Variants in ELAVL1 observed in about 807,000 individuals in gnomAD.
ELAVL1 encodes ELAV-like protein 1.
In ELAVL1, 1 loss-of-function variant was observed where a neutral mutation model predicts 28.4. The ratio of observed to expected loss-of-function variants is 0.04; its 90% CI spans 0.01 to 0.17. The LOEUF (loss-of-function observed/expected upper bound fraction) is 0.17, where lower values mean the gene tolerates loss of function less well. Among genes scored for constraint, ELAVL1 ranks in the 10% least tolerant of loss-of-function variants. The pLI is 1.00. For missense variants in ELAVL1, 157 were observed against 447.2 expected (o/e 0.35, Z 5.85); for synonymous variants, 174 against 183.5 (o/e 0.95, Z 0.42).
intron 1 of ELAVL1, among the ~76,000 whole-genome samples, chr19:8,003,814 C>G (rs1188829453): frequency 6.6e-6 from 1 of 152,040 alleles, no homozygotes; most frequent in East Asian, 1.9e-4. Flanking sequence ...ACATTTGAGA[C>G]GTTCGTGTAT....
chr19:8,003,997 C>T (rs1568319207), intron 1 of ELAVL1, among the ~76,000 whole-genome samples: 1 of 152,176 alleles, frequency 6.6e-6, no homozygotes, highest in Non-Finnish European at 1.5e-5. Flanking sequence ...GGCCCGAGTT[C>T]AAACCCTGGC....
intron 1 of ELAVL1, 59 bp downstream of exon 1, chr19:8,005,436 G>C (rs1421864681): frequency 1.4e-5 from 2 of 146,618 alleles, no homozygotes; most frequent in Non-Finnish European, 3.0e-5. Flanking sequence ...GGCCAGGCGA[G>C]CTCAGGCCTG....
chr19:7,987,114 G>A (rs1430366528), intron 2 of ELAVL1, among the ~76,000 whole-genome samples: 1 of 133,062 alleles, frequency 7.5e-6, no homozygotes, highest in East Asian at 2.3e-4. Flanking sequence ...ACCGGGGGGT[G>A]CCGGGGGGGG....
chr19:7,999,543 G>T (rs752647495), intron 1 of ELAVL1, among the ~76,000 whole-genome samples: 3 of 152,128 alleles, frequency 2.0e-5, no homozygotes, highest in Non-Finnish European at 4.4e-5. Flanking sequence ...GAGGGCCCAG[G>T]TTATACCATT....
chr19:7,989,954 T>C (rs1985707094), intron 2 of ELAVL1, among the ~76,000 whole-genome samples: 1 of 152,176 alleles, frequency 6.6e-6, no homozygotes, highest in African/African-American at 2.4e-5. Flanking sequence ...AGTGCAATGA[T>C]GGGTACATCA....
intron 2 of ELAVL1, among the ~76,000 whole-genome samples, chr19:7,989,064 T>G (rs1295700695): frequency 2.6e-5 from 4 of 152,156 alleles, no homozygotes; most frequent in Non-Finnish European, 5.9e-5. Context: ...ACCCGTGTTG[T>G]GAGCTGAGCT....
intron 4 of ELAVL1, chr19:7,972,751 T>C (rs938392944): frequency 1.4e-5 from 2 of 146,908 alleles, no homozygotes; most frequent in Non-Finnish European, 3.0e-5. Flanking sequence ...CTCAGTCTCC[T>C]GAGCAGCTGT....
chr19:7,978,627 T>A (rs969809584), intron 3 of ELAVL1, among the ~76,000 whole-genome samples: 4 of 152,104 alleles, frequency 2.6e-5, no homozygotes, highest in Non-Finnish European at 4.4e-5. Context: ...TTGCAACCTT[T>A]ATAAACAAAC....
chr19:7,967,436 G>C (rs74176261), intron 5 of ELAVL1, 129 bp downstream of exon 5: 1 of 1,041,340 alleles, frequency 9.6e-7, no homozygotes, highest in Non-Finnish European at 1.4e-6. Flanking sequence ...TGGAGCTGCA[G>C]AATGATTCTG....
intron 3 of ELAVL1, among the ~76,000 whole-genome samples, chr19:7,976,638 T>G (rs1470796505): frequency 6.6e-6 from 1 of 152,064 alleles, no homozygotes; most frequent in African/African-American, 2.4e-5. Flanking sequence ...GCTGACACCT[T>G]GGTCTCGGGC....
chr19:7,999,933 C>T (rs550022959), intron 1 of ELAVL1, among the ~76,000 whole-genome samples: 8 of 152,308 alleles, frequency 5.3e-5, no homozygotes, highest in East Asian at 3.9e-4. Context: ...CCTGCCACCA[C>T]GCCCGGCTAA....
chr19:7,996,854 A>C (rs182663055), intron 1 of ELAVL1, among the ~76,000 whole-genome samples: 257 of 152,292 alleles, frequency 1.7e-3, no homozygotes, highest in African/African-American at 6.0e-3. Flanking sequence ...ACCTGGTTTC[A>C]AAAATGGCAA....
rs1378907970 is a variant in ELAVL1, at chr19:7,959,110, T to C, written c.*4373A>G. 6.6e-6 allele frequency: 1 copy of C among 152,432 alleles called. No individual in the cohort carries two copies. The highest frequency in any genetic ancestry group is 1.5e-5 in the Non-Finnish European group (1 of 67,886). 9.4% of individuals were successfully genotyped at this position (152,432 alleles called of 1,614,324 possible). A position where few individuals can be genotyped will look rare whatever the true frequency, so the allele number is the denominator to read the frequency against. The stretch of plus-strand genomic sequence containing the variant: ...CTGATGGAAAACTGATAAGGGCTTT[T>C]CTTTTTTTTTTTCTGAAAATAATTT... On this transcript the variant is annotated 3_prime_UTR_variant, in exon 6 of 6. Transcript: ENST00000407627.
In ELAVL1 at chr19:7,981,459, G is replaced by C. The variant is rs1985462127; in HGVS notation, c.173-273C>G. Among the ~76,000 whole-genome samples the C allele has an allele frequency of 1.3e-5, 2 of 151,072 alleles. No homozygotes were observed. Among genetic ancestry groups the C allele is most frequent in the East Asian group, 2.0e-4 (1 of 5,112 alleles). ...CGCCACCTCAAATTCTTGGGCTCAA[G>C]ACAGCCTCCCACCTCAGCCTCCAGA... On this transcript the variant is annotated intron_variant, in intron 2 of 5. Transcript: ENST00000407627. This position sits in a 1 kb window ranked among gnomAD's most constrained non-coding sequence, Gnocchi z 4.2.
intron 1 of ELAVL1, among the ~76,000 whole-genome samples, chr19:7,992,130 G>C (rs1261737420): frequency 6.6e-6 from 1 of 151,932 alleles, no homozygotes; most frequent in African/African-American, 2.4e-5. Flanking sequence ...TAGTAGAGAC[G>C]GGGTTTCGTC....
At chr19:7,983,833 C>G (rs1227614188) in intron 2 of ELAVL1, among the ~76,000 whole-genome samples, 1 of 152,144 alleles carries the variant, frequency 6.6e-6, no homozygotes, top group Non-Finnish European at 1.5e-5. Flanking sequence ...GCTGGGTGAT[C>G]CTGACTGGTC....
intron 4 of ELAVL1, chr19:7,973,466 G>A (rs540817278): frequency 2.1e-4 from 107 of 506,616 alleles, no homozygotes; most frequent in African/African-American, 1.8e-3. Context: ...TCCTGACCTC[G>A]TGATCCACCC....
chr19:7,978,987 G>A (rs1043915403), intron 3 of ELAVL1, among the ~76,000 whole-genome samples: 3 of 152,188 alleles, frequency 2.0e-5, no homozygotes, highest in Admixed American at 1.3e-4. Flanking sequence ...CAGGGGATCC[G>A]AAGTCCCTCA....
chr19:7,967,904 G>A (rs1984997879), intron 4 of ELAVL1, 114 bp from the exon 5 acceptor site: 9 of 1,126,012 alleles, frequency 8.0e-6, no homozygotes, highest in Non-Finnish European at 1.1e-5. Context: ...TCTGGTTAAG[G>A]AAATAAACAA....
Sources: allele counts gnomAD v4.1 joint callset (sites outside exome capture counted in the v4.1 genomes callset), GRCh38; gene constraint gnomAD v4.1.1; non-coding constraint Gnocchi (gnomAD v3.1); transcripts MANE v1.5; gene names NCBI Gene and HGNC (gene_info 2026-07-23, HGNC 2026-07-21).